The following ALDH1A3 variants were observed in gnomAD, a reference collection of about 807,000 sequenced individuals.
ALDH1A3 encodes retinaldehyde dehydrogenase 3.
In ALDH1A3, 28 loss-of-function variants were observed where a neutral mutation model predicts 57.5. That is an observed-to-expected ratio of 0.49 (90% CI 0.36 to 0.67). ALDH1A3 has a LOEUF of 0.67. Among genes scored for constraint, ALDH1A3 ranks in the 30% least tolerant of loss-of-function variants. The probability of loss-of-function intolerance (pLI) is 0.00; values close to 1 mark genes in which losing one functional copy is unlikely to be tolerated. For missense variants in ALDH1A3, 507 were observed against 669.4 expected (o/e 0.76, Z 2.68); for synonymous variants, 281 against 264.8 (o/e 1.06, Z -0.59).
chr15:100,885,655 CTTTTTTTTTTT>C (rs4646657), intron 2 of ALDH1A3, among the ~76,000 whole-genome samples: 3 of 138,340 alleles, frequency 2.2e-5, no homozygotes, highest in African/African-American at 7.9e-5. Context: ...TTTCTTTTTT[CTTTTTTTTTTT>C]TTTTTATCAA....
At chr15:100,884,966 C>T (rs963339758) in intron 1 of ALDH1A3, among the ~76,000 whole-genome samples, 1 of 152,132 alleles carries the variant, frequency 6.6e-6, no homozygotes, top group African/African-American at 2.4e-5. Flanking sequence ...CTTAGCCATT[C>T]CTCTGTGAAT....
At chr15:100,883,662 T>A (rs78116370) in intron 1 of ALDH1A3, among the ~76,000 whole-genome samples, 2 of 148,346 alleles carry the variant, frequency 1.3e-5, no homozygotes. Flanking sequence ...TTTTTTTTTT[T>A]AACATTCTAT....
rs1257336003 is a variant in ALDH1A3, at chr15:100,900,567, C to T, written c.884-8C>T. The T allele has an allele frequency of 2.5e-6, 4 of 1,574,500 alleles. No homozygotes were observed. In the South Asian group the frequency reaches 3.5e-5, roughly 14 times the overall value. ...CTCTGCCCGCCTCCCTCGCCCCTCCCCCTCCAGTGGACTTGGCAGTGGAGT... is the reference window on the plus strand; with the variant it reads ...CTCTGCCCGCCTCCCTCGCCCCTCCTCCTCCAGTGGACTTGGCAGTGGAGT... On this transcript the variant is annotated splice_region_variant and splice_polypyrimidine_tract_variant and intron_variant, in intron 8 of 12. Coordinates refer to ENST00000329841, the MANE Select transcript of ALDH1A3 (RefSeq NM_000693.4).
At chr15:100,888,014 A>G (rs2041613614) in intron 3 of ALDH1A3, among the ~76,000 whole-genome samples, 1 of 152,228 alleles carries the variant, frequency 6.6e-6, no homozygotes, top group Non-Finnish European at 1.5e-5. Flanking sequence ...ATTGGTGACC[A>G]TGAGCTGGGC....
At position 100,887,820 on chromosome 15, in the gene ALDH1A3, G is replaced by A. The variant is rs1027366537; in HGVS notation, c.345+108G>A. On this transcript the variant is annotated intron_variant, in intron 3 of 12. Coordinates refer to ENST00000329841, the MANE Select transcript of ALDH1A3 (RefSeq NM_000693.4). The surrounding 1 kb of genome is among the most constrained non-coding windows in gnomAD (Gnocchi z 4.6). ...ATCACGGTCCTGGTTTTGTGTGGTCGTGGGTCTGTTCCATCCTCTGAGACA... is the reference window on the plus strand; with the variant it reads ...ATCACGGTCCTGGTTTTGTGTGGTCATGGGTCTGTTCCATCCTCTGAGACA... 1.2e-5 allele frequency: 17 copies of A among 1,381,442 alleles called. No homozygotes were observed. Among genetic ancestry groups the A allele is most frequent in the African/African-American group, 2.9e-5 (2 of 68,960 alleles). 85.6% of individuals were successfully genotyped at this position (1,381,442 alleles called of 1,614,324 possible).
intron 8 of ALDH1A3, among the ~76,000 whole-genome samples, chr15:100,899,173 A>C (rs922010854): frequency 3.3e-5 from 5 of 152,160 alleles, no homozygotes; most frequent in Admixed American, 1.3e-4. Flanking sequence ...AGGAAAGGGG[A>C]GCTGGGTGTG....
chr15:100,912,517 T>C (rs983743905), intron 12 of ALDH1A3, among the ~76,000 whole-genome samples: 13 of 152,218 alleles, frequency 8.5e-5, no homozygotes, highest in African/African-American at 3.1e-4. Context: ...GTCTCTGCTC[T>C]ACAAAAATAG....
intron 11 of ALDH1A3, among the ~76,000 whole-genome samples, chr15:100,908,202 T>C (rs903837097): frequency 2.6e-5 from 4 of 152,016 alleles, no homozygotes; most frequent in African/African-American, 9.7e-5. Flanking sequence ...TGAAACACAC[T>C]CTGTACTTGA....
At chr15:100,900,923 C>A (rs773878581) in intron 9 of ALDH1A3, among the ~76,000 whole-genome samples, 164 bp downstream of exon 9, 1 of 152,196 alleles carries the variant, frequency 6.6e-6, no homozygotes, top group Non-Finnish European at 1.5e-5. Context: ...ACAATCCTGT[C>A]AGGTCCCGGG....
In ALDH1A3 at chr15:100,916,381, C is replaced by T. The variant is rs2041929991; in HGVS notation, c.*1608C>T. The T allele has an allele frequency of 6.6e-6, 1 of 152,482 alleles. No individual in the cohort carries two copies. Among genetic ancestry groups the T allele is most frequent in the Non-Finnish European group, 1.5e-5 (1 of 68,036 alleles). The allele number at this position is 152,482 out of a possible 1,614,324, so 9.4% of individuals were successfully genotyped here. A position where few individuals can be genotyped will look rare whatever the true frequency, so the allele number is the denominator to read the frequency against. ...ATAATGTCTTTAATATGAAATGCTACATTATTTATAATTGGTAGAGTTATT... is the reference window on the plus strand; with the variant it reads ...ATAATGTCTTTAATATGAAATGCTATATTATTTATAATTGGTAGAGTTATT... On this transcript the variant is annotated 3_prime_UTR_variant, in exon 13 of 13. Transcript: ENST00000329841.
Position 100,916,475 on chromosome 15 carries a change from A to G in ALDH1A3, c.*1702A>G, listed in dbSNP as rs2041930635. 6.6e-6 allele frequency: 1 copy of G among 152,498 alleles called. No homozygotes were observed. The highest frequency in any genetic ancestry group is 2.1e-4 in the South Asian group (1 of 4,836). The allele number at this position is 152,498 out of a possible 1,614,324, so 9.4% of individuals were successfully genotyped here. On this transcript the variant is annotated 3_prime_UTR_variant, in exon 13 of 13. Coordinates refer to ENST00000329841, the MANE Select transcript of ALDH1A3 (RefSeq NM_000693.4). The stretch of plus-strand genomic sequence containing the variant: ...ACTTCTGTAATATACTGTATTTAGA[A>G]ATGGAAATATATATAGTGTTAGGTT...
chr15:100,913,051 G>A lies in ALDH1A3; in HGVS notation c.1467-1650G>A, dbSNP rs1250881881. 3.3e-5 allele frequency among the ~76,000 whole-genome samples: 3 copies of A among 91,376 alleles called. 1 individual carries two copies. Among genetic ancestry groups the A allele is most frequent in the Non-Finnish European group, 7.0e-5 (3 of 42,974 alleles). The allele number at this position is 91,376 out of a possible 152,430, so 59.9% of individuals were successfully genotyped here. A position where few individuals can be genotyped will look rare whatever the true frequency, so the allele number is the denominator to read the frequency against. On this transcript the variant is annotated intron_variant, in intron 12 of 12. Coordinates refer to ENST00000329841, the MANE Select transcript of ALDH1A3 (RefSeq NM_000693.4). ...CGGGCGCCTGTAGTCCCAGCTACTC[G>A]GGAGGCTGAGGCAGGAGAATGGCGT...
intron 9 of ALDH1A3, among the ~76,000 whole-genome samples, chr15:100,904,759 C>A (rs1281026013): frequency 6.6e-6 from 1 of 152,200 alleles, no homozygotes; most frequent in African/African-American, 2.4e-5. Flanking sequence ...TGGCACAGGG[C>A]AAACTCCAGC....
chr15:100,909,937 A>G lies in ALDH1A3; in HGVS notation c.1466+1455A>G, dbSNP rs186836832. 1.3e-3 allele frequency among the ~76,000 whole-genome samples: 193 copies of G among 152,364 alleles called. 2 individuals carry two copies. The highest frequency in any genetic ancestry group is 4.4e-3 in the African/African-American group (185 of 41,574). On this transcript the variant is annotated intron_variant, in intron 12 of 12. Transcript: ENST00000329841. ...CACTAGTCTGTCCTATTTATATACA[A>G]ATGTAGTCCCTTGTTTGCACTTCTT...
intron 7 of ALDH1A3, 30 bp downstream of exon 7, chr15:100,896,076 G>A: frequency 6.5e-7 from 1 of 1,543,788 alleles, no homozygotes; most frequent in Non-Finnish European, 8.9e-7. Context: ...GCTGGGGAAA[G>A]TGAAAGGGGC....
chr15:100,902,502 G>T lies in ALDH1A3; in HGVS notation c.1068+1743G>T, dbSNP rs116854582. Among the ~76,000 whole-genome samples the T allele has an allele frequency of 1.1e-3, 171 of 152,308 alleles. 2 individuals are homozygous for T. The East Asian group carries it at 0.03, about 27-fold the overall frequency. The stretch of plus-strand genomic sequence containing the variant: ...CTAGCTGACCTAGATCCGGGTCCAC[G>T]GCCGGGCTAGCGCTCACAGGAATGC... On this transcript the variant is annotated intron_variant, in intron 9 of 12. Transcript: ENST00000329841.
chr15:100,889,879 T>A lies in ALDH1A3; in HGVS notation c.345+2167T>A, dbSNP rs1596207840. ...ACAAGAGAATTACTGGCAAACACGG[T>A]TTTTAAAACTCCAACCACATCACAG... is the stretch of plus-strand genomic sequence containing the variant. On this transcript the variant is annotated intron_variant, in intron 3 of 12. Transcript: ENST00000329841. This position sits in a 1 kb window ranked among gnomAD's most constrained non-coding sequence, Gnocchi z 5.1. 6.6e-6 allele frequency among the ~76,000 whole-genome samples: 1 copy of A among 152,092 alleles called. No homozygotes were observed. The highest frequency in any genetic ancestry group is 3.4e-3 in the Middle Eastern group (1 of 294).
rs769470561 is a variant in ALDH1A3 at position 100,896,034 on chromosome 15, C to T, written c.768C>T (p.Thr256=). The part of the protein sequence containing the change: ...SHPQINKIAF[T]GSTEVGKLVK... The stretch of plus-strand genomic sequence containing the variant: ...CTCAGATCAACAAGATCGCCTTCAC[C>T]GGCTCCACAGAGGTAACCCTCCTCA... The change falls in exon 7 of 13, where the codon ACC becomes ACT. Residue 256 remains threonine, a synonymous_variant. Transcript: ENST00000329841. 4.4e-5 allele frequency: 71 copies of T among 1,609,538 alleles called. No homozygotes were observed. Among genetic ancestry groups the T allele is most frequent in the Middle Eastern group, 1.6e-4 (1 of 6,074 alleles).
chr15:100,880,165 T>C, intron 1 of ALDH1A3, 159 bp downstream of exon 1: 1 of 437,168 alleles, frequency 2.3e-6, no homozygotes, highest in Non-Finnish European at 3.8e-6. Context: ...AAACCGCACC[T>C]TTCGCGGGAC....
Sources: allele counts gnomAD v4.1 joint callset (sites outside exome capture counted in the v4.1 genomes callset), GRCh38; gene constraint gnomAD v4.1.1; non-coding constraint Gnocchi (gnomAD v3.1); transcripts MANE v1.5; gene names NCBI Gene and HGNC (gene_info 2026-07-23, HGNC 2026-07-21).